IMMP2L: variants seen among roughly 807,000 people sequenced by gnomAD.
IMMP2L encodes inner mitochondrial membrane peptidase subunit 2.
Under a neutral mutation model 19.3 loss-of-function variants are expected in IMMP2L, and 18 were observed. The observed-to-expected ratio is 0.93, with a 90% CI of 0.64 to 1.38. IMMP2L has a LOEUF of 1.38. Ranked by LOEUF, IMMP2L falls within the 40% of genes most tolerant of loss-of-function variation. The probability of loss-of-function intolerance (pLI) is 0.00; values close to 1 mark genes in which losing one functional copy is unlikely to be tolerated. For synonymous variants in IMMP2L, 76 were observed against 73.0 expected (o/e 1.04, Z -0.21); for missense variants, 233 against 218.2 (o/e 1.07, Z -0.43).
At chr7:111,154,399 A>G (rs1386767420) in intron 3 of IMMP2L, among the ~76,000 whole-genome samples, 1 of 152,188 alleles carries the variant, frequency 6.6e-6, no homozygotes, top group African/African-American at 2.4e-5. Context: ...AGTGAGAATT[A>G]TAAGCATCAC....
chr7:110,896,081 TGATTA>T (rs774657776), intron 4 of IMMP2L, among the ~76,000 whole-genome samples: 17 of 152,174 alleles, frequency 1.1e-4, no homozygotes, highest in Admixed American at 2.6e-4. Context: ...CTCAGCCTCC[TGATTA>T]GATGAGATTT....
At chr7:110,990,036 CATT>C (rs1822289631) in intron 3 of IMMP2L, among the ~76,000 whole-genome samples, 1 of 152,088 alleles carries the variant, frequency 6.6e-6, no homozygotes, top group African/African-American at 2.4e-5. Flanking sequence ...AAAGCCCATA[CATT>C]ATTTTCTGTG....
chr7:110,818,098 C>A (rs373731949), intron 5 of IMMP2L, among the ~76,000 whole-genome samples: 6 of 151,230 alleles, frequency 4.0e-5, no homozygotes, highest in Admixed American at 6.6e-5. Flanking sequence ...GCAACAAAAG[C>A]CAAAATTGAC....
At chr7:111,555,451 T>C (rs1429104727) in intron 1 of IMMP2L, among the ~76,000 whole-genome samples, 2 of 61,242 alleles carry the variant, frequency 3.3e-5, no homozygotes, top group African/African-American at 7.0e-5. Context: ...CAACCTAATC[T>C]TCATTCACAA....
intron 3 of IMMP2L, among the ~76,000 whole-genome samples, chr7:111,179,272 C>T (rs1452077187): frequency 6.6e-6 from 1 of 152,002 alleles, no homozygotes; most frequent in Non-Finnish European, 1.5e-5. Context: ...TGCTATAAAC[C>T]AAGCTTGTTC....
At chr7:111,169,358 T>C (rs574835385) in intron 3 of IMMP2L, among the ~76,000 whole-genome samples, 1 of 151,992 alleles carries the variant, frequency 6.6e-6, no homozygotes, top group South Asian at 2.1e-4. Context: ...TCCAAAATTT[T>C]CTCAGTTGGC....
intron 3 of IMMP2L, among the ~76,000 whole-genome samples, chr7:111,304,676 G>A (rs1257122403): frequency 7.4e-6 from 1 of 134,712 alleles, no homozygotes; most frequent in Non-Finnish European, 1.5e-5. Context: ...TATAATGTGT[G>A]TGTGTGTGTG....
chr7:111,236,369 G>A (rs1369334989), intron 3 of IMMP2L, among the ~76,000 whole-genome samples: 1 of 151,986 alleles, frequency 6.6e-6, no homozygotes, highest in Non-Finnish European at 1.5e-5. Context: ...ACTTTGTTAG[G>A]CAAAACTGGC....
At chr7:111,292,212 C>T (rs1239803059) in intron 3 of IMMP2L, among the ~76,000 whole-genome samples, 1 of 152,136 alleles carries the variant, frequency 6.6e-6, no homozygotes, top group Non-Finnish European at 1.5e-5. Flanking sequence ...CTTCTCTAGG[C>T]TAAATAAACC....
At chr7:110,956,590 T>C (rs1818378110) in intron 4 of IMMP2L, among the ~76,000 whole-genome samples, 1 of 152,002 alleles carries the variant, frequency 6.6e-6, no homozygotes, top group African/African-American at 2.4e-5. Flanking sequence ...AACTCCCTCA[T>C]GTAACAGTAA....
At chr7:111,227,333 A>G (rs192414622) in intron 3 of IMMP2L, among the ~76,000 whole-genome samples, 28 of 152,266 alleles carry the variant, frequency 1.8e-4, no homozygotes, top group Non-Finnish European at 2.8e-4. Context: ...TATTACTTTA[A>G]GAGATTCCCA....
chr7:111,551,532 G>GTGTGTGT (rs71147478), intron 1 of IMMP2L, among the ~76,000 whole-genome samples: 1 of 145,654 alleles, frequency 6.9e-6, no homozygotes, highest in African/African-American at 2.5e-5. Context: ...GTGTGTGTGT[G>GTGTGTGT]GTCACTTGCT....
intron 5 of IMMP2L, among the ~76,000 whole-genome samples, chr7:110,717,392 G>A (rs1795297422): frequency 6.6e-6 from 1 of 152,256 alleles, no homozygotes; most frequent in Non-Finnish European, 1.5e-5. Flanking sequence ...ATGAACCCAG[G>A]AGGCGGAGCT....
At chr7:111,286,123 A>T (rs1412396676) in intron 3 of IMMP2L, among the ~76,000 whole-genome samples, 3 of 152,208 alleles carry the variant, frequency 2.0e-5, no homozygotes, top group Non-Finnish European at 4.4e-5. Context: ...GAGAAGGCAC[A>T]CATAAAGAAA....
intron 3 of IMMP2L, among the ~76,000 whole-genome samples, chr7:111,402,512 A>C (rs1833513807): frequency 6.6e-6 from 1 of 152,022 alleles, no homozygotes; most frequent in Non-Finnish European, 1.5e-5. Context: ...AGAGTTCAAG[A>C]CCAGCCCAGG....
intron 5 of IMMP2L, among the ~76,000 whole-genome samples, chr7:110,736,326 T>C (rs574273007): frequency 9.9e-5 from 15 of 152,256 alleles, no homozygotes; most frequent in Admixed American, 4.6e-4. Context: ...AGAGTCCCCA[T>C]TGGGGCAATG....
intron 3 of IMMP2L, among the ~76,000 whole-genome samples, chr7:111,447,783 A>G (rs1322369291): frequency 6.6e-6 from 1 of 151,838 alleles, no homozygotes; most frequent in Non-Finnish European, 1.5e-5. Context: ...AAGAGTCAAG[A>G]CCCATCAGTG....
chr7:111,124,734 C>T, intron 3 of IMMP2L: 1 of 1,613,888 alleles, frequency 6.2e-7, no homozygotes, highest in Non-Finnish European at 8.5e-7. Context: ...CAGAAATGAA[C>T]TGTGATGGTG....
chr7:110,920,070 C>A (rs1814091045), intron 4 of IMMP2L, among the ~76,000 whole-genome samples: 1 of 152,150 alleles, frequency 6.6e-6, no homozygotes, highest in Non-Finnish European at 1.5e-5. Flanking sequence ...TTGCCAGGGG[C>A]TCTTGGGCCT....
Sources: gnomAD v4.1 joint callset for allele counts (sites outside exome capture counted in the v4.1 genomes callset) on GRCh38, gnomAD v4.1.1 for gene constraint, MANE v1.5 for transcripts, NCBI Gene and HGNC (gene_info 2026-07-23, HGNC 2026-07-21) for gene names.